Variants in POU2F1 observed in about 807,000 individuals in gnomAD.
The protein encoded by POU2F1 is POU class 2 homeobox 1.
In POU2F1, 16 loss-of-function variants were observed where a neutral mutation model predicts 84.9. The ratio of observed to expected loss-of-function variants is 0.19; its 90% CI spans 0.13 to 0.29. The LOEUF is 0.29. Ranked by LOEUF, POU2F1 falls within the 10% of genes least tolerant of loss-of-function variation. The pLI is 1.00. For synonymous variants in POU2F1, 368 were observed against 368.3 expected, an observed-to-expected ratio of 1.00 and a Z score of 0.01; for missense variants, 738 against 942.6, an observed-to-expected ratio of 0.78 and a Z score of 2.84.
Position 167,231,237 on chromosome 1 carries a change from T to C in POU2F1, c.61+10279T>C, listed in dbSNP as rs189952653. ...AGCTAGGTGAATAGTTTTCATACTT[T>C]TTTTTTCCTTTTTAAACTGGAATTA... On this transcript the variant is annotated intron_variant, in intron 1 of 15. Transcript: ENST00000367866. Among the ~76,000 whole-genome samples the C allele has an allele frequency of 1.1e-4, 16 of 152,340 alleles. No homozygotes were observed. In the East Asian group the frequency reaches 3.1e-3, roughly 29 times the overall value.
At chr1:167,227,299 A>G (rs1223241556) in intron 1 of POU2F1, among the ~76,000 whole-genome samples, 1 of 152,184 alleles carries the variant, frequency 6.6e-6, no homozygotes, top group Non-Finnish European at 1.5e-5. Context: ...ATGTTGGAAT[A>G]TAGAAATGGT....
chr1:167,375,753 A>G (rs550858381), intron 6 of POU2F1, among the ~76,000 whole-genome samples: 19 of 152,238 alleles, frequency 1.2e-4, no homozygotes, highest in Non-Finnish European at 2.2e-4. Flanking sequence ...AAACAGAAGT[A>G]TATTTGTTCT....
intron 10 of POU2F1, 177 bp downstream of exon 10, chr1:167,396,604 T>C (rs1392739640): frequency 1.4e-5 from 9 of 638,224 alleles, no homozygotes; most frequent in Non-Finnish European, 2.3e-5. Flanking sequence ...GCTGATTCAT[T>C]TAAATATTCT....
chr1:167,240,465 T>C (rs1445049922), intron 1 of POU2F1, among the ~76,000 whole-genome samples: 2 of 152,176 alleles, frequency 1.3e-5, no homozygotes, highest in Non-Finnish European at 2.9e-5. Context: ...GTGGGTAATT[T>C]TACTACTTTA....
At chr1:167,415,396 G>T in intron 15 of POU2F1, 104 bp from the exon 16 acceptor site, 3 of 1,273,320 alleles carry the variant, frequency 2.4e-6, no homozygotes, top group Middle Eastern at 1.9e-4. Flanking sequence ...ACTTTTTCCT[G>T]GTGGGTTGTA....
intron 1 of POU2F1, among the ~76,000 whole-genome samples, chr1:167,271,732 G>A (rs1359666105): frequency 2.0e-5 from 3 of 152,152 alleles, no homozygotes; most frequent in Non-Finnish European, 4.4e-5. Context: ...CATCAAGAAA[G>A]AGAATATTTT....
rs115293445 is a variant in POU2F1 at position 167,282,549 on chromosome 1, A to G, written c.62-49921A>G. Among the ~76,000 whole-genome samples the G allele has an allele frequency of 9.3e-3, 1,411 of 152,284 alleles. 23 individuals are homozygous for G. The highest frequency in any genetic ancestry group is 0.033 in the African/African-American group (1,358 of 41,554). ...TTGAAACTTAAATATGAGGACCTTC[A>G]TAATGTGGTCCTTGTCTATCTTTCC... On this transcript the variant is annotated intron_variant, in intron 1 of 15. Transcript: ENST00000367866.
intron 1 of POU2F1, among the ~76,000 whole-genome samples, chr1:167,307,824 A>G (rs1655185623): frequency 6.6e-6 from 1 of 152,190 alleles, no homozygotes; most frequent in South Asian, 2.1e-4. Flanking sequence ...AAGACTGCAC[A>G]TTGGATTTAG....
In POU2F1 at chr1:167,242,703, G is replaced by A. The variant is rs1649999745; in HGVS notation, c.61+21745G>A. Reference sequence around the variant, plus strand: ...TTATATGGGTGAAACTTTCCATATTGTGAGATGTTGTTTTTACTAGCAAAG... The same window carrying A: ...TTATATGGGTGAAACTTTCCATATTATGAGATGTTGTTTTTACTAGCAAAG... On this transcript the variant is annotated intron_variant, in intron 1 of 15. Coordinates refer to ENST00000367866, the MANE Select transcript of POU2F1 (RefSeq NM_002697.4). Among the ~76,000 whole-genome samples the A allele has an allele frequency of 2.6e-5, 4 of 152,168 alleles. No homozygotes were observed. The South Asian group carries it at 8.3e-4, about 32-fold the overall frequency.
intron 13 of POU2F1, among the ~76,000 whole-genome samples, chr1:167,411,597 T>G (rs1416650648): frequency 6.6e-6 from 1 of 152,218 alleles, no homozygotes; most frequent in African/African-American, 2.4e-5. Flanking sequence ...AGGAGATTTC[T>G]GAATGAAAAG....
intron 2 of POU2F1, among the ~76,000 whole-genome samples, chr1:167,359,823 T>C (rs1422885064): frequency 6.6e-6 from 1 of 150,960 alleles, no homozygotes; most frequent in Non-Finnish European, 1.5e-5. Context: ...TTTTTTTTTT[T>C]TCAGCTTTGT....
chr1:167,336,019 T>C (rs1338085034), intron 2 of POU2F1, among the ~76,000 whole-genome samples: 2 of 152,180 alleles, frequency 1.3e-5, no homozygotes, highest in South Asian at 2.1e-4. Flanking sequence ...TTGAGAAATA[T>C]TGAAAAAAAT....
At chr1:167,271,663 TGAG>T (rs765324645) in intron 1 of POU2F1, among the ~76,000 whole-genome samples, 2 of 152,132 alleles carry the variant, frequency 1.3e-5, no homozygotes, top group Non-Finnish European at 1.5e-5. Flanking sequence ...TCTGATGAAA[TGAG>T]GACCTCAGAG....
At chr1:167,249,745 A>T (rs570918516) in intron 1 of POU2F1, among the ~76,000 whole-genome samples, 1 of 152,182 alleles carries the variant, frequency 6.6e-6, no homozygotes, top group South Asian at 2.1e-4. Flanking sequence ...AAAGTTTTAG[A>T]GGAGGAACTG....
At chr1:167,359,709 G>A (rs572339299) in intron 2 of POU2F1, among the ~76,000 whole-genome samples, 1 of 151,998 alleles carries the variant, frequency 6.6e-6, no homozygotes, top group Admixed American at 6.5e-5. Context: ...TAATGGGATT[G>A]CTAGGTTGAA....
chr1:167,412,387 C>A, intron 14 of POU2F1, 83 bp downstream of exon 14: 1 of 1,204,830 alleles, frequency 8.3e-7, no homozygotes, highest in Non-Finnish European at 1.1e-6. Flanking sequence ...ACATCACTGA[C>A]TTAGATGGGG....
chr1:167,412,509 G>A (rs1650038812), intron 14 of POU2F1, among the ~76,000 whole-genome samples: 1 of 152,192 alleles, frequency 6.6e-6, no homozygotes, highest in South Asian at 2.1e-4. Context: ...AAGGGCAGTA[G>A]TCATACCTTT....
chr1:167,250,619 G>C (rs1650655834), intron 1 of POU2F1, among the ~76,000 whole-genome samples: 1 of 152,146 alleles, frequency 6.6e-6, no homozygotes, highest in East Asian at 1.9e-4. Flanking sequence ...TGGTTTGTTG[G>C]TTTTCTTTAA....
intron 9 of POU2F1, among the ~76,000 whole-genome samples, chr1:167,393,152 G>A (rs1353153708): frequency 2.6e-5 from 4 of 152,058 alleles, no homozygotes; most frequent in African/African-American, 9.7e-5. Context: ...AAATATCAAA[G>A]GGATATAATA....
Sources: gnomAD v4.1 joint callset for allele counts (sites outside exome capture counted in the v4.1 genomes callset) on GRCh38, gnomAD v4.1.1 for gene constraint, MANE v1.5 for transcripts, NCBI Gene and HGNC (gene_info 2026-07-23, HGNC 2026-07-21) for gene names.